CMSS1: variants seen among roughly 807,000 people sequenced by gnomAD.
The protein encoded by CMSS1 is protein CMSS1.
Under a neutral mutation model 43.5 loss-of-function variants are expected in CMSS1, and 33 were observed. That is an observed-to-expected ratio of 0.76 (90% CI 0.57 to 1.01). The LOEUF (loss-of-function observed/expected upper bound fraction) is 1.01, where lower values mean the gene tolerates loss of function less well. CMSS1 is among the 50% of genes least tolerant of loss of function. The probability of loss-of-function intolerance (pLI) is 0.00; values close to 1 mark genes in which losing one functional copy is unlikely to be tolerated. For synonymous variants in CMSS1, 115 were observed against 117.2 expected, an observed-to-expected ratio of 0.98 and a Z score of 0.12; for missense variants, 313 against 326.4, an observed-to-expected ratio of 0.96 and a Z score of 0.32.
At position 99,905,724 on chromosome 3, in the gene CMSS1, T is replaced by C. The variant is rs115332671; in HGVS notation, c.64+87681T>C. On this transcript the variant is annotated intron_variant, in intron 1 of 9. Coordinates refer to ENST00000421999, the MANE Select transcript of CMSS1 (RefSeq NM_032359.4). ...GATATCCACTTTCTTACTGAGAGGT[T>C]GCCACCATTTGATGTCTATTACTGT... is the stretch of plus-strand genomic sequence containing the variant. Among the ~76,000 whole-genome samples, 681 of 152,324 alleles carry C rather than the reference T, an allele frequency of 4.5e-3. 7 individuals are homozygous for C. Among genetic ancestry groups the C allele is most frequent in the African/African-American group, 0.015 (623 of 41,570 alleles).
intron 1 of CMSS1, chr3:100,109,910 C>CG (rs1428488602): frequency 1.4e-4 from 17 of 122,170 alleles, no homozygotes; most frequent in Admixed American, 1.3e-3. Context: ...ATGACCCCCC[C>CG]CCCCCAGCAC....
chr3:100,143,567 C>T lies in CMSS1; in HGVS notation c.65-3406C>T, dbSNP rs979885382. On this transcript the variant is annotated intron_variant, in intron 1 of 9. Transcript: ENST00000421999. The stretch of plus-strand genomic sequence containing the variant: ...TACAAATGTTGATTATATCCTATTG[C>T]TTGATGGTGCCACTCAGTTCTATAT... Among the ~76,000 whole-genome samples, 124 of 152,138 alleles carry T rather than the reference C, an allele frequency of 8.2e-4. 1 individual carries two copies. Among genetic ancestry groups the T allele is most frequent in the Non-Finnish European group, 5.9e-5 (4 of 68,018 alleles).
chr3:100,093,777 A>G (rs1226232333), intron 1 of CMSS1, among the ~76,000 whole-genome samples: 1 of 152,252 alleles, frequency 6.6e-6, no homozygotes, highest in East Asian at 1.9e-4. Context: ...CTTCAAAAAC[A>G]GTATATAAAT....
At chr3:100,097,509 A>G (rs951303228) in intron 1 of CMSS1, among the ~76,000 whole-genome samples, 1 of 152,156 alleles carries the variant, frequency 6.6e-6, no homozygotes, top group African/African-American at 2.4e-5. Context: ...CGAACACAGT[A>G]TATCTCTCTA....
chr3:99,916,327 T>C (rs1253382587), intron 1 of CMSS1, among the ~76,000 whole-genome samples: 1 of 152,118 alleles, frequency 6.6e-6, no homozygotes, highest in Non-Finnish European at 1.5e-5. Context: ...AGCTTTCAGG[T>C]CTTTCGGCTA....
chr3:99,894,869 C>T (rs544137629), intron 1 of CMSS1, among the ~76,000 whole-genome samples: 9 of 152,276 alleles, frequency 5.9e-5, no homozygotes, highest in East Asian at 1.9e-4. Flanking sequence ...TTCTTGCAAA[C>T]GTATAGAGTT....
intron 1 of CMSS1, among the ~76,000 whole-genome samples, chr3:99,854,815 G>T (rs1174714084): frequency 1.3e-5 from 2 of 152,138 alleles, no homozygotes; most frequent in Non-Finnish European, 2.9e-5. Context: ...TTAAACAGGT[G>T]CAACTGAGAG....
intron 1 of CMSS1, among the ~76,000 whole-genome samples, chr3:100,017,647 A>G (rs1208629780): frequency 6.6e-6 from 1 of 152,204 alleles, no homozygotes; most frequent in African/African-American, 2.4e-5. Flanking sequence ...GTTGTGAGCC[A>G]GATGTGGTGG....
intron 1 of CMSS1, among the ~76,000 whole-genome samples, chr3:99,913,116 GC>G (rs1706843855): frequency 6.6e-6 from 1 of 152,140 alleles, no homozygotes; most frequent in African/African-American, 2.4e-5. Flanking sequence ...CCAGAAGAGG[GC>G]CCTTACCAGA....
At chr3:99,991,223 A>C (rs1400662843) in intron 1 of CMSS1, among the ~76,000 whole-genome samples, 1 of 152,184 alleles carries the variant, frequency 6.6e-6, no homozygotes, top group Non-Finnish European at 1.5e-5. Flanking sequence ...TAAGGAGAGA[A>C]TGTTCTCATT....
intron 1 of CMSS1, among the ~76,000 whole-genome samples, chr3:99,936,847 T>A (rs2107670850): frequency 6.6e-6 from 1 of 152,286 alleles, no homozygotes; most frequent in African/African-American, 2.4e-5. Context: ...TGGTTTAACA[T>A]TAATTTATTC....
intron 1 of CMSS1, among the ~76,000 whole-genome samples, chr3:100,030,903 TCTTGG>T (rs1448894202): frequency 6.6e-6 from 1 of 152,184 alleles, no homozygotes; most frequent in Non-Finnish European, 1.5e-5. Context: ...ATATAGATAT[TCTTGG>T]CTTAAGAATG....
chr3:100,076,128 A>G (rs11708650), intron 1 of CMSS1, among the ~76,000 whole-genome samples: 1 of 152,212 alleles, frequency 6.6e-6, no homozygotes, highest in Non-Finnish European at 1.5e-5. Flanking sequence ...ATTAAGAAAT[A>G]TATTTGTTAG....
intron 1 of CMSS1, among the ~76,000 whole-genome samples, chr3:99,856,732 T>G (rs77209179): frequency 6.6e-6 from 1 of 152,190 alleles, no homozygotes; most frequent in Admixed American, 6.5e-5. Flanking sequence ...GGTTCTTCAT[T>G]ACAAATGATA....
intron 1 of CMSS1, among the ~76,000 whole-genome samples, chr3:99,908,008 TG>T (rs1438436050): frequency 1.3e-5 from 2 of 152,258 alleles, no homozygotes; most frequent in African/African-American, 2.4e-5. Context: ...AACTGTGTAT[TG>T]AATATTTGTA....
intron 1 of CMSS1, among the ~76,000 whole-genome samples, chr3:99,887,666 T>TTA (rs1182872434): frequency 6.6e-6 from 1 of 152,256 alleles, no homozygotes; most frequent in African/African-American, 2.4e-5. Flanking sequence ...TTTCAATTTC[T>TTA]TATATAAGTA....
At chr3:100,168,382 C>T (rs2107530155) in intron 6 of CMSS1, among the ~76,000 whole-genome samples, 1 of 152,220 alleles carries the variant, frequency 6.6e-6, no homozygotes, top group East Asian at 1.9e-4. Flanking sequence ...AAGAAAAGAT[C>T]TGACTTAAAA....
chr3:99,995,242 C>G (rs953252993), intron 1 of CMSS1, among the ~76,000 whole-genome samples: 5 of 152,148 alleles, frequency 3.3e-5, no homozygotes, highest in African/African-American at 1.2e-4. Context: ...AACAAAGGGG[C>G]TACGGGGCCC....
At chr3:99,862,161 G>C (rs940209133) in intron 1 of CMSS1, among the ~76,000 whole-genome samples, 1 of 151,972 alleles carries the variant, frequency 6.6e-6, no homozygotes, top group Non-Finnish European at 1.5e-5. Context: ...ACAATATCTA[G>C]ATATATAAAA....
Sources: allele counts gnomAD v4.1 joint callset (sites outside exome capture counted in the v4.1 genomes callset), GRCh38; gene constraint gnomAD v4.1.1; transcripts MANE v1.5; gene names NCBI Gene and HGNC (gene_info 2026-07-23, HGNC 2026-07-21).